CERS4: variants seen among roughly 807,000 people sequenced by gnomAD.
The protein encoded by CERS4 is LAG1 homolog, ceramide synthase 4.
In CERS4, 65 loss-of-function variants were observed where a neutral mutation model predicts 51.8. That is an observed-to-expected ratio of 1.26 (90% CI 1.03 to 1.54). The LOEUF is 1.54. CERS4 is among the 40% of genes most tolerant of loss of function. CERS4 has a pLI of 0.00. For synonymous variants in CERS4, 228 were observed against 208.4 expected (o/e 1.09, Z -0.81); for missense variants, 563 against 500.4 (o/e 1.13, Z -1.19).
intron 2 of CERS4, among the ~76,000 whole-genome samples, chr19:8,221,544 T>C (rs1599518065): frequency 6.6e-6 from 1 of 150,532 alleles, no homozygotes; most frequent in African/African-American, 2.4e-5. Flanking sequence ...TAACTTTTTT[T>C]TTTCTTATTT....
intron 2 of CERS4, among the ~76,000 whole-genome samples, chr19:8,233,074 G>T (rs190643705): frequency 1.8e-4 from 27 of 151,520 alleles, no homozygotes; most frequent in Middle Eastern, 3.4e-3. Context: ...AGAGATGAGG[G>T]TCTCTCTATG....
chr19:8,257,277 GC>G (rs1969445578), intron 9 of CERS4, 200 bp downstream of exon 9: 1 of 585,318 alleles, frequency 1.7e-6, no homozygotes, highest in African/African-American at 1.9e-5. Context: ...GGGTGATGAA[GC>G]CCCACCCTTC....
rs1967575356 is a variant in CERS4, at chr19:8,221,894, T to TTTTG, written c.-2+11035_-2+11036insGTTT. On this transcript the variant is annotated intron_variant, in intron 2 of 11. Coordinates refer to ENST00000251363, the MANE Select transcript of CERS4 (RefSeq NM_024552.3). ...TATGTTTTTTTTTTTTTTTTTTTTTTTTTTTGAGACAGAGGCTTGCTCTGT... is the reference window on the plus strand; with the variant it reads ...TATGTTTTTTTTTTTTTTTTTTTTTTTTTGTTTTTGAGACAGAGGCTTGCTCTGT... Among the ~76,000 whole-genome samples, 3 of 128,206 alleles carry TTTTG rather than the reference T, an allele frequency of 2.3e-5. 1 individual carries two copies. Among genetic ancestry groups the TTTTG allele is most frequent in the Non-Finnish European group, 5.0e-5 (3 of 60,276 alleles). The allele number at this position is 128,206 out of a possible 152,430, so 84.1% of individuals were successfully genotyped here. A position where few individuals can be genotyped will look rare whatever the true frequency, so the allele number is the denominator to read the frequency against.
chr19:8,250,700 C>A (rs966965643), intron 2 of CERS4: 13 of 411,726 alleles, frequency 3.2e-5, no homozygotes, highest in Non-Finnish European at 4.3e-5. Context: ...CGTGATCCAC[C>A]CACCTTGGCC....
chr19:8,245,776 G>A (rs1385624666), intron 2 of CERS4, among the ~76,000 whole-genome samples: 3 of 151,850 alleles, frequency 2.0e-5, no homozygotes, highest in Non-Finnish European at 4.4e-5. Context: ...CTGATCGCAA[G>A]TGATCCACTC....
intron 8 of CERS4, 94 bp from the exon 9 acceptor site, chr19:8,256,855 C>T: frequency 6.2e-7 from 1 of 1,600,162 alleles, no homozygotes; most frequent in Non-Finnish European, 8.5e-7. Flanking sequence ...AGAGGCCACA[C>T]CAACCCCCTG....
At chr19:8,235,009 TTC>T (rs200663712) in intron 2 of CERS4, among the ~76,000 whole-genome samples, 6,265 of 139,798 alleles carry the variant, frequency 0.045, 185 homozygotes, top group African/African-American at 0.051. Context: ...CTTTCTTTCT[TTC>T]TTTTTTTTTT....
chr19:8,236,922 G>T (rs1238929948), intron 2 of CERS4, among the ~76,000 whole-genome samples: 1 of 125,346 alleles, frequency 8.0e-6, no homozygotes, highest in Non-Finnish European at 1.6e-5. Flanking sequence ...AGAATCGCTT[G>T]AACCAGAGAG....
intron 3 of CERS4, 80 bp from the exon 4 acceptor site, chr19:8,254,419 C>G: frequency 1.5e-6 from 2 of 1,337,122 alleles, no homozygotes; most frequent in Non-Finnish European, 2.1e-6. Context: ...GGTTATCCCA[C>G]CGGCAGCATG....
intron 10 of CERS4, chr19:8,261,297 C>T (rs1201872112): frequency 4.7e-5 from 9 of 192,238 alleles, no homozygotes; most frequent in Admixed American, 1.1e-4. Flanking sequence ...GAGGCCCCAC[C>T]GCCTGCCTTC....
chr19:8,257,870 C>G lies in CERS4; in HGVS notation c.742-9C>G, dbSNP rs781125900. Reference sequence around the variant, plus strand: ...TCCTGAGCCCATTTCTCCCTGCTGCCCTTTCCAGGCCTGTAAGATGGTCAA... The same window carrying G: ...TCCTGAGCCCATTTCTCCCTGCTGCGCTTTCCAGGCCTGTAAGATGGTCAA... On this transcript the variant is annotated splice_polypyrimidine_tract_variant and intron_variant, in intron 9 of 11. Coordinates refer to ENST00000251363, the MANE Select transcript of CERS4 (RefSeq NM_024552.3). The G allele has an allele frequency of 2.5e-6, 4 of 1,610,596 alleles. No homozygotes were observed. The highest frequency in any genetic ancestry group is 3.4e-6 in the Non-Finnish European group (4 of 1,177,206).
At chr19:8,240,583 CAA>C (rs1733693054) in intron 2 of CERS4, 3 of 46,422 alleles carry the variant, frequency 6.5e-5, no homozygotes, top group African/African-American at 3.4e-4. Context: ...TCAATGTATG[CAA>C]GTGTGTGTGT....
At position 8,209,383 on chromosome 19, in the gene CERS4, G is replaced by C. The variant is rs1293104046; in HGVS notation, c.-270G>C. On this transcript the variant is annotated 5_prime_UTR_variant, in exon 1 of 12. Coordinates refer to ENST00000251363, the MANE Select transcript of CERS4 (RefSeq NM_024552.3). ...CGAGGCCCGGCCAGGAGCAGAGTCC[G>C]GCTGCCTGGGGCGGGCGGCGCGTGT... The C allele has an allele frequency of 2.0e-5, 3 of 147,808 alleles. No homozygotes were observed. Among genetic ancestry groups the C allele is most frequent in the Non-Finnish European group, 3.0e-5 (2 of 66,970 alleles). 9.2% of individuals were successfully genotyped at this position (147,808 alleles called of 1,614,324 possible).
At position 8,210,034 on chromosome 19, in the gene CERS4, C is replaced by T. The variant is rs1967022304; in HGVS notation, c.-159+540C>T. The T allele has an allele frequency of 3.7e-5, 2 of 54,018 alleles. No individual in the cohort carries two copies. The highest frequency in any genetic ancestry group is 2.7e-4 in the Admixed American group (2 of 7,306). 3.3% of individuals were successfully genotyped at this position (54,018 alleles called of 1,614,324 possible). A position where few individuals can be genotyped will look rare whatever the true frequency, so the allele number is the denominator to read the frequency against. ...GGGCTTTTTAGGCCCAGGGCCTAGC[C>T]GGGAGTGTGTGCGGAGCAGAAAAGA... On this transcript the variant is annotated intron_variant, in intron 1 of 11. Transcript: ENST00000251363. The surrounding 1 kb of genome is among the most constrained non-coding windows in gnomAD (Gnocchi z 4.2).
intron 2 of CERS4, among the ~76,000 whole-genome samples, chr19:8,211,406 C>A (rs1599497590): frequency 1.3e-5 from 2 of 152,178 alleles, no homozygotes; most frequent in African/African-American, 4.8e-5. Context: ...CCTGTCCTGC[C>A]ACTTTGAGTT....
chr19:8,231,997 CTTTT>C (rs568613532), intron 2 of CERS4, among the ~76,000 whole-genome samples: 7 of 138,778 alleles, frequency 5.0e-5, no homozygotes, highest in Admixed American at 3.7e-4. Flanking sequence ...CCAGCTTTTT[CTTTT>C]TTTTTTTTGG....
intron 2 of CERS4, among the ~76,000 whole-genome samples, chr19:8,212,641 T>A (rs1468282625): frequency 7.6e-6 from 1 of 130,994 alleles, no homozygotes; most frequent in Non-Finnish European, 1.5e-5. Flanking sequence ...TTAATTATTA[T>A]TTTTTTTATT....
At chr19:8,214,745 G>A (rs1967219722) in intron 2 of CERS4, among the ~76,000 whole-genome samples, 2 of 152,110 alleles carry the variant, frequency 1.3e-5, no homozygotes. Context: ...GGCTGAGGAA[G>A]CTGGCAGGAG....
At chr19:8,227,034 AG>A (rs1967816154) in intron 2 of CERS4, among the ~76,000 whole-genome samples, 1 of 152,142 alleles carries the variant, frequency 6.6e-6, no homozygotes, top group Non-Finnish European at 1.5e-5. Context: ...ATGCTGAGGC[AG>A]GAGAATTGCT....
Sources: allele counts gnomAD v4.1 joint callset (sites outside exome capture counted in the v4.1 genomes callset), GRCh38; gene constraint gnomAD v4.1.1; non-coding constraint Gnocchi (gnomAD v3.1); transcripts MANE v1.5; gene names NCBI Gene and HGNC (gene_info 2026-07-23, HGNC 2026-07-21).